EEIG2: variants seen among roughly 807,000 people sequenced by gnomAD.
EEIG2 encodes family with sequence similarity 102 member B.
the EEIG2 span, among the ~76,000 whole-genome samples, chr1:108,622,970 C>T: frequency 2.0e-5 from 3 of 152,034 alleles, no homozygotes; most frequent in South Asian, 6.2e-4. Flanking sequence ...CATGGTGGCT[C>T]GTACCTGTAA....
At chr1:108,560,485 C>T in the EEIG2 span, 12 of 1,613,492 alleles carry the variant, frequency 7.4e-6, no homozygotes, top group African/African-American at 4.0e-5. Context: ...AGGAGCTCTC[C>T]TCAGTGCCCT....
the EEIG2 span, among the ~76,000 whole-genome samples, chr1:108,585,808 T>G: frequency 6.6e-6 from 1 of 152,146 alleles, no homozygotes; most frequent in Non-Finnish European, 1.5e-5. Context: ...AATAACTCTT[T>G]GTGCTGTTTT....
At chr1:108,635,188 G>A in the EEIG2 span, 1 of 1,612,040 alleles carries the variant, frequency 6.2e-7, no homozygotes, top group Non-Finnish European at 8.5e-7. Flanking sequence ...GTGGATTTAA[G>A]ATGTGAGTAG....
the EEIG2 span, among the ~76,000 whole-genome samples, chr1:108,576,020 T>G: frequency 1.3e-5 from 2 of 152,246 alleles, no homozygotes; most frequent in East Asian, 3.9e-4. Context: ...TTATTTGTTT[T>G]GTGTGTGTGT....
chr1:108,605,882 G>A, the EEIG2 span, among the ~76,000 whole-genome samples: 1 of 152,114 alleles, frequency 6.6e-6, no homozygotes, highest in Admixed American at 6.5e-5. Flanking sequence ...TATTATATTA[G>A]TATGCTTAAC....
At chr1:108,629,548 T>C in the EEIG2 span, 3 of 1,319,250 alleles carry the variant, frequency 2.3e-6, no homozygotes, top group Non-Finnish European at 3.3e-6. Context: ...AATAGTCTAA[T>C]AATTGTACAT....
the EEIG2 span, among the ~76,000 whole-genome samples, chr1:108,591,711 T>C: frequency 3.3e-5 from 5 of 151,926 alleles, no homozygotes; most frequent in East Asian, 1.9e-4. Flanking sequence ...AAGAGGACAC[T>C]GAGAAGGGAA....
chr1:108,604,504 C>G, the EEIG2 span, among the ~76,000 whole-genome samples: 1 of 152,112 alleles, frequency 6.6e-6, no homozygotes, highest in African/African-American at 2.4e-5. Flanking sequence ...GACTAGCATT[C>G]TTTCTACAGA....
chr1:108,618,848 A>G, the EEIG2 span, among the ~76,000 whole-genome samples: 2 of 151,786 alleles, frequency 1.3e-5, no homozygotes, highest in African/African-American at 4.8e-5. Context: ...AAAAAAAAAA[A>G]AAATCAATTC....
chr1:108,566,754 T>C, the EEIG2 span, among the ~76,000 whole-genome samples: 4 of 151,924 alleles, frequency 2.6e-5, no homozygotes, highest in South Asian at 4.1e-4. Context: ...TGGAGGACTT[T>C]TGTTTAAAAT....
At chr1:108,622,443 T>C in the EEIG2 span, among the ~76,000 whole-genome samples, 1 of 152,054 alleles carries the variant, frequency 6.6e-6, no homozygotes, top group Non-Finnish European at 1.5e-5. Context: ...AGATGATGAA[T>C]AGGAAAAATA....
the EEIG2 span, among the ~76,000 whole-genome samples, chr1:108,589,737 C>T: frequency 6.6e-6 from 1 of 151,012 alleles, no homozygotes. Context: ...TGGCCTTATC[C>T]ATTCCCATAG....
At chr1:108,607,890 G>C in the EEIG2 span, among the ~76,000 whole-genome samples, 11 of 152,070 alleles carry the variant, frequency 7.2e-5, no homozygotes, top group South Asian at 4.1e-4. Context: ...GTCTGTCTCT[G>C]TTATCTCCCT....
the EEIG2 span, among the ~76,000 whole-genome samples, chr1:108,586,325 GT>G: frequency 1.8e-3 from 17 of 9,380 alleles, no homozygotes; most frequent in Admixed American, 2.3e-3. Context: ...GTGTGTGTGT[GT>G]GTGTGTGTGT....
chr1:108,560,443 G>T, the EEIG2 span: 2 of 1,610,874 alleles, frequency 1.2e-6, no homozygotes, highest in Non-Finnish European at 1.7e-6. Context: ...TGAAGAAGAA[G>T]AAGTTTAAGT....
the EEIG2 span, chr1:108,639,227 TTTCC>T: frequency 6.6e-6 from 1 of 151,544 alleles, no homozygotes; most frequent in African/African-American, 2.4e-5. Flanking sequence ...TCAGGAAATG[TTTCC>T]TTTTTTTTTT....
the EEIG2 span, chr1:108,625,087 T>G: frequency 5.0e-6 from 1 of 200,180 alleles, no homozygotes; most frequent in Non-Finnish European, 1.0e-5. Context: ...TCCTCTTCCA[T>G]GAATCGCTTT....
chr1:108,587,515 T>G, the EEIG2 span, among the ~76,000 whole-genome samples: 1 of 152,180 alleles, frequency 6.6e-6, no homozygotes, highest in African/African-American at 2.4e-5. Flanking sequence ...CCCACCATCA[T>G]AGCATCATAC....
the EEIG2 span, among the ~76,000 whole-genome samples, chr1:108,587,069 T>C: frequency 2.0e-5 from 3 of 152,142 alleles, no homozygotes; most frequent in African/African-American, 7.2e-5. Flanking sequence ...ACCTGGGTGA[T>C]AGTTTTTTGC....
Sources: allele counts gnomAD v4.1 joint callset (sites outside exome capture counted in the v4.1 genomes callset), GRCh38; gene constraint gnomAD v4.1.1; transcripts MANE v1.5; gene names NCBI Gene and HGNC (gene_info 2026-07-23, HGNC 2026-07-21).